VAV3: variants seen among roughly 807,000 people sequenced by gnomAD.
The protein encoded by VAV3 is vav guanine nucleotide exchange factor 3.
In VAV3, 94 loss-of-function variants were observed where a neutral mutation model predicts 131.2. The ratio of observed to expected loss-of-function variants is 0.72; its 90% CI spans 0.61 to 0.85. The LOEUF (loss-of-function observed/expected upper bound fraction) is 0.85, where lower values mean the gene tolerates loss of function less well. Among genes scored for constraint, VAV3 ranks in the 40% least tolerant of loss-of-function variants. The probability of loss-of-function intolerance (pLI) is 0.00; values close to 1 mark genes in which losing one functional copy is unlikely to be tolerated. For missense variants in VAV3, 939 were observed against 1,002.7 expected (o/e 0.94, Z 0.86); for synonymous variants, 349 against 342.0 (o/e 1.02, Z -0.22).
intron 20 of VAV3, among the ~76,000 whole-genome samples, chr1:107,639,314 A>G (rs1655162468): frequency 6.6e-6 from 1 of 152,150 alleles, no homozygotes; most frequent in African/African-American, 2.4e-5. Flanking sequence ...TATAAAGAAC[A>G]AATTAACAAA....
In VAV3 at chr1:107,726,469, T is replaced by C. The variant is rs149116130; in HGVS notation, c.1503-21408A>G. Among the ~76,000 whole-genome samples the C allele has an allele frequency of 1.5e-3, 226 of 152,324 alleles. 2 individuals carry two copies. The highest frequency in any genetic ancestry group is 5.3e-3 in the African/African-American group (219 of 41,578). ...TCCCAGTCATGTCTCAGAACCATCT[T>C]TGAGAAAGTCATTGATTAAATTAAT... is the stretch of plus-strand genomic sequence containing the variant. On this transcript the variant is annotated intron_variant, in intron 15 of 26. Transcript: ENST00000370056.
chr1:107,631,638 C>T (rs1654497300), intron 20 of VAV3, among the ~76,000 whole-genome samples: 1 of 116,392 alleles, frequency 8.6e-6, no homozygotes, highest in East Asian at 3.0e-4. Flanking sequence ...TCCCCCCACC[C>T]CACAACAGGC....
chr1:107,615,636 G>C (rs971331514), intron 21 of VAV3, among the ~76,000 whole-genome samples: 1 of 152,086 alleles, frequency 6.6e-6, no homozygotes, highest in African/African-American at 2.4e-5. Flanking sequence ...CACAGCAAAA[G>C]AAACTATCAA....
chr1:107,749,737 T>G, intron 13 of VAV3, 143 bp from the exon 14 acceptor site: 1 of 923,730 alleles, frequency 1.1e-6, no homozygotes, highest in Non-Finnish European at 1.6e-6. Flanking sequence ...AACGGGGTAT[T>G]TGAGGTTATA....
intron 2 of VAV3, among the ~76,000 whole-genome samples, chr1:107,784,718 C>A (rs13374478): frequency 7.2e-5 from 11 of 151,966 alleles, no homozygotes; most frequent in African/African-American, 2.7e-4. Flanking sequence ...ACCTAGTTCA[C>A]AGACAGGCTC....
chr1:107,616,595 T>C (rs538968295), intron 21 of VAV3, among the ~76,000 whole-genome samples: 4 of 152,230 alleles, frequency 2.6e-5, no homozygotes, highest in Admixed American at 2.6e-4. Context: ...AAATAAAAGT[T>C]AAACAAATGT....
At chr1:107,718,497 C>A (rs4914957) in intron 15 of VAV3, among the ~76,000 whole-genome samples, 17,766 of 152,150 alleles carry the variant, frequency 0.12, 1,329 homozygotes, top group South Asian at 0.26. Context: ...ATCCAACTTA[C>A]AAGGGATGTG....
intron 2 of VAV3, among the ~76,000 whole-genome samples, chr1:107,801,939 ATG>A (rs1231544378): frequency 6.6e-6 from 1 of 151,326 alleles, no homozygotes; most frequent in Admixed American, 6.6e-5. Flanking sequence ...GCATTTTTTT[ATG>A]TGTTTCTTTT....
intron 2 of VAV3, among the ~76,000 whole-genome samples, chr1:107,793,241 C>T (rs1446552346): frequency 1.3e-5 from 2 of 152,086 alleles, no homozygotes; most frequent in Non-Finnish European, 2.9e-5. Context: ...AGGGTCAATA[C>T]CTTCATCATG....
At chr1:107,608,385 T>A (rs1014367158) in intron 22 of VAV3, among the ~76,000 whole-genome samples, 2 of 152,222 alleles carry the variant, frequency 1.3e-5, no homozygotes, top group African/African-American at 4.8e-5. Flanking sequence ...AACCTAATCA[T>A]CACACTTTCA....
At chr1:107,898,022 G>T (rs1671683864) in intron 1 of VAV3, among the ~76,000 whole-genome samples, 1 of 151,732 alleles carries the variant, frequency 6.6e-6, no homozygotes, top group Non-Finnish European at 1.5e-5. Context: ...AAAACTATTA[G>T]GTAAAATGTT....
Position 107,749,655 on chromosome 1 carries a change from T to G in VAV3, c.1260-61A>C, listed in dbSNP as rs903839640. On this transcript the variant is annotated intron_variant, in intron 13 of 26. Coordinates refer to ENST00000370056, the MANE Select transcript of VAV3 (RefSeq NM_006113.5). ...GTTTAGAAACATGGGTTATTAATTT[T>G]TTTGGGTATAAAGCAACCAAATGTT... 16 of 1,565,726 alleles carry G rather than the reference T, an allele frequency of 1.0e-5. No individual in the cohort carries two copies. The Admixed American group carries it at 1.4e-4, about 14-fold the overall frequency.
intron 12 of VAV3, among the ~76,000 whole-genome samples, chr1:107,752,416 G>A (rs937714955): frequency 6.6e-6 from 1 of 152,172 alleles, no homozygotes; most frequent in Non-Finnish European, 1.5e-5. Context: ...AAAACTTTAT[G>A]ACAATAGATT....
intron 2 of VAV3, among the ~76,000 whole-genome samples, chr1:107,858,394 A>G (rs1055505399): frequency 1.3e-5 from 2 of 152,238 alleles, no homozygotes; most frequent in African/African-American, 4.8e-5. Context: ...AAAATCTAAG[A>G]AAAATTTAAG....
intron 7 of VAV3, 21 bp downstream of exon 7, chr1:107,768,420 A>G: frequency 6.3e-7 from 1 of 1,595,532 alleles, no homozygotes; most frequent in Non-Finnish European, 8.6e-7. Flanking sequence ...CCACAATTTT[A>G]GCTAGCATAT....
At chr1:107,610,664 T>C (rs1051395272) in intron 21 of VAV3, among the ~76,000 whole-genome samples, 4 of 152,174 alleles carry the variant, frequency 2.6e-5, no homozygotes, top group Non-Finnish European at 2.9e-5. Context: ...AGGAAAAATA[T>C]TGCATTTGCT....
At chr1:107,606,630 T>C (rs923340742) in intron 22 of VAV3, among the ~76,000 whole-genome samples, 1 of 152,050 alleles carries the variant, frequency 6.6e-6, no homozygotes, top group African/African-American at 2.4e-5. Flanking sequence ...TTGGAAGATT[T>C]GCTAAACTTT....
At chr1:107,594,467 T>G (rs940612244) in intron 25 of VAV3, among the ~76,000 whole-genome samples, 2 of 152,150 alleles carry the variant, frequency 1.3e-5, no homozygotes, top group African/African-American at 4.8e-5. Flanking sequence ...TTTAGTGGCT[T>G]GATTCAAGTT....
intron 1 of VAV3, among the ~76,000 whole-genome samples, chr1:107,909,705 G>C (rs1229225344): frequency 1.3e-5 from 2 of 152,046 alleles, no homozygotes; most frequent in Non-Finnish European, 2.9e-5. Context: ...TAACCTCTCA[G>C]GATTCTTTGA....
Sources: gnomAD v4.1 joint callset for allele counts (sites outside exome capture counted in the v4.1 genomes callset) on GRCh38, gnomAD v4.1.1 for gene constraint, MANE v1.5 for transcripts, NCBI Gene and HGNC (gene_info 2026-07-23, HGNC 2026-07-21) for gene names.